MEGF11: variants seen among roughly 807,000 people sequenced by gnomAD.
The protein encoded by MEGF11 is multiple EGF like domains 11, also known as multiple epidermal growth factor-like domains protein 11.
In MEGF11, 126 loss-of-function variants were observed where a neutral mutation model predicts 146.6. The observed-to-expected ratio is 0.86, with a 90% confidence interval of 0.74 to 1.00. MEGF11 has a LOEUF of 1.00. Among genes scored for constraint, MEGF11 ranks in the 50% least tolerant of loss-of-function variants. The pLI, the probability that MEGF11 is intolerant of heterozygous loss-of-function variation, is 0.00. For synonymous variants in MEGF11, 532 were observed against 583.4 expected (o/e 0.91, Z 1.27); for missense variants, 1,509 against 1,521.2 (o/e 0.99, Z 0.13).
In MEGF11 at chr15:66,025,329, C is replaced by T. The variant is rs867665021; in HGVS notation, c.395-42841G>A. 8.5e-5 allele frequency among the ~76,000 whole-genome samples: 13 copies of T among 152,140 alleles called. No individual in the cohort carries two copies. The South Asian group carries it at 1.5e-3, about 17-fold the overall frequency. ...CTGATTCCTGAGTGGGGGGGCTCCT[C>T]GTGGTCCACTCCTGCTTGGCTTATT... On this transcript the variant is annotated intron_variant, in intron 5 of 25. Coordinates refer to ENST00000395614, the MANE Select transcript of MEGF11 (RefSeq NM_001385028.1).
At chr15:66,031,938 G>T (rs1209788857) in intron 5 of MEGF11, among the ~76,000 whole-genome samples, 1 of 152,230 alleles carries the variant, frequency 6.6e-6, no homozygotes, top group Non-Finnish European at 1.5e-5. Context: ...GTGAGCAGCA[G>T]GTGAGCGAGC....
intron 5 of MEGF11, among the ~76,000 whole-genome samples, chr15:66,007,751 C>CAAGAAAAGAA (rs138701582): frequency 1.3e-5 from 2 of 151,850 alleles, no homozygotes; most frequent in African/African-American, 4.8e-5. Context: ...GACCCTGTCT[C>CAAGAAAAGAA]AAGAAAAGAA....
At chr15:66,188,816 C>T (rs944923444) in intron 1 of MEGF11, among the ~76,000 whole-genome samples, 4 of 152,222 alleles carry the variant, frequency 2.6e-5, no homozygotes, top group Non-Finnish European at 5.9e-5. Flanking sequence ...GACACCCTTG[C>T]AGAAAGAAAA....
At chr15:66,186,593 T>C (rs1307669599) in intron 1 of MEGF11, among the ~76,000 whole-genome samples, 1 of 152,226 alleles carries the variant, frequency 6.6e-6, no homozygotes, top group East Asian at 1.9e-4. Context: ...GAGCACTCCC[T>C]GTCTCCATCT....
chr15:66,005,057 C>A (rs1398861928), intron 5 of MEGF11, among the ~76,000 whole-genome samples: 2 of 152,102 alleles, frequency 1.3e-5, no homozygotes, highest in Non-Finnish European at 2.9e-5. Context: ...TGTGAATGGC[C>A]TCTGCTCTCC....
chr15:66,017,778 AG>A (rs1163702319), intron 5 of MEGF11, among the ~76,000 whole-genome samples: 2 of 152,204 alleles, frequency 1.3e-5, no homozygotes, highest in Non-Finnish European at 2.9e-5. Context: ...GGTTTCCCAA[AG>A]GGAGCACTGT....
chr15:66,006,625 T>G (rs989574658), intron 5 of MEGF11, among the ~76,000 whole-genome samples: 12 of 152,254 alleles, frequency 7.9e-5, no homozygotes, highest in Non-Finnish European at 1.6e-4. Context: ...CTCTCTCTGC[T>G]GCTGGCATCC....
chr15:66,243,060 A>G (rs1270552674), intron 1 of MEGF11, among the ~76,000 whole-genome samples: 2 of 152,148 alleles, frequency 1.3e-5, no homozygotes, highest in Non-Finnish European at 2.9e-5. Flanking sequence ...CACACACTCA[A>G]AAAGAAATGT....
chr15:65,936,527 G>A (rs1207585558), intron 10 of MEGF11, among the ~76,000 whole-genome samples: 1 of 152,202 alleles, frequency 6.6e-6, no homozygotes, highest in African/African-American at 2.4e-5. Context: ...AATGTTTGCT[G>A]AGTAAGGGCC....
At chr15:65,943,253 C>T (rs953006050) in intron 10 of MEGF11, among the ~76,000 whole-genome samples, 10 of 152,148 alleles carry the variant, frequency 6.6e-5, no homozygotes, top group Admixed American at 1.3e-4. Context: ...GCTGGGATTA[C>T]AGGCATGAGC....
intron 5 of MEGF11, among the ~76,000 whole-genome samples, chr15:66,001,975 G>C (rs2082380804): frequency 6.6e-6 from 1 of 152,152 alleles, no homozygotes; most frequent in South Asian, 2.1e-4. Flanking sequence ...CAGGGGGATG[G>C]GGGACCTTTC....
Position 65,897,848 on chromosome 15 carries a change from G to A in MEGF11, c.*86C>T. On this transcript the variant is annotated 3_prime_UTR_variant, in exon 26 of 26. Coordinates refer to ENST00000395614, the MANE Select transcript of MEGF11 (RefSeq NM_001385028.1). ...ACTAACATGCAGCTGGAGCCAGTCTGTACCATTACTTCAAGTCAAGGGACT... is the reference window on the plus strand; with the variant it reads ...ACTAACATGCAGCTGGAGCCAGTCTATACCATTACTTCAAGTCAAGGGACT... The A allele has an allele frequency of 7.6e-7, 1 of 1,312,868 alleles. No individual in the cohort carries two copies. Among genetic ancestry groups the A allele is most frequent in the Non-Finnish European group, 1.1e-6 (1 of 943,500 alleles). The allele number at this position is 1,312,868 out of a possible 1,614,324, so 81.3% of individuals were successfully genotyped here. A position where few individuals can be genotyped will look rare whatever the true frequency, so the allele number is the denominator to read the frequency against.
At chr15:65,950,984 T>G (rs2080382879) in intron 10 of MEGF11, among the ~76,000 whole-genome samples, 1 of 152,232 alleles carries the variant, frequency 6.6e-6, no homozygotes, top group Non-Finnish European at 1.5e-5. Context: ...TTTAAGGGCA[T>G]TGGGTCTACC....
At chr15:66,223,376 CT>C (rs1347956205) in intron 1 of MEGF11, among the ~76,000 whole-genome samples, 1 of 151,284 alleles carries the variant, frequency 6.6e-6, no homozygotes, top group African/African-American at 2.4e-5. Context: ...TATAGGGTTA[CT>C]TTTTTGGGGT....
intron 7 of MEGF11, among the ~76,000 whole-genome samples, chr15:65,980,349 G>A (rs2081589275): frequency 6.6e-6 from 1 of 151,524 alleles, no homozygotes. Flanking sequence ...GATGCCCTAT[G>A]GCGATAAATA....
Position 65,897,858 on chromosome 15 carries a change from T to G in MEGF11, c.*76A>C. The G allele has an allele frequency of 2.8e-6, 4 of 1,427,210 alleles. No homozygotes were observed. The highest frequency in any genetic ancestry group is 3.8e-6 in the Non-Finnish European group (4 of 1,044,072). The allele number at this position is 1,427,210 out of a possible 1,614,324, so 88.4% of individuals were successfully genotyped here. On this transcript the variant is annotated 3_prime_UTR_variant, in exon 26 of 26. Transcript: ENST00000395614. ...AGCTGGAGCCAGTCTGTACCATTACTTCAAGTCAAGGGACTGTCTTCTTTC... is the reference window on the plus strand; with the variant it reads ...AGCTGGAGCCAGTCTGTACCATTACGTCAAGTCAAGGGACTGTCTTCTTTC...
At chr15:66,050,702 G>C (rs1171990881) in intron 5 of MEGF11, among the ~76,000 whole-genome samples, 1 of 152,222 alleles carries the variant, frequency 6.6e-6, no homozygotes, top group Non-Finnish European at 1.5e-5. Flanking sequence ...AGAATAGATG[G>C]AGAGCAGTTA....
chr15:66,067,998 C>G (rs1051335430), intron 5 of MEGF11, among the ~76,000 whole-genome samples: 1 of 152,176 alleles, frequency 6.6e-6, no homozygotes, highest in African/African-American at 2.4e-5. Context: ...AAGCCAAATG[C>G]TTCACTTTGC....
chr15:65,976,852 C>T (rs1419473298), intron 7 of MEGF11, among the ~76,000 whole-genome samples: 2 of 152,144 alleles, frequency 1.3e-5, no homozygotes, highest in Non-Finnish European at 2.9e-5. Flanking sequence ...ACAACAGTCG[C>T]ACTTTAAGAG....
Sources: gnomAD v4.1 joint callset for allele counts (sites outside exome capture counted in the v4.1 genomes callset) on GRCh38, gnomAD v4.1.1 for gene constraint, MANE v1.5 for transcripts, NCBI Gene and HGNC (gene_info 2026-07-23, HGNC 2026-07-21) for gene names.